The following SERAC1 variants were observed in gnomAD, a reference collection of about 807,000 sequenced individuals.
SERAC1 encodes serine active site containing 1.
Under a neutral mutation model 85.7 loss-of-function variants are expected in SERAC1, and 36 were observed. That is an observed-to-expected ratio of 0.42 (90% confidence interval 0.32 to 0.55). The LOEUF is 0.55. SERAC1 is among the 20% of genes least tolerant of loss of function. The probability of loss-of-function intolerance (pLI) is 0.11; values close to 1 mark genes in which losing one functional copy is unlikely to be tolerated. For missense variants in SERAC1, 629 were observed against 796.2 expected (o/e 0.79, Z 2.53); for synonymous variants, 242 against 265.3 (o/e 0.91, Z 0.85).
chr6:158,147,531 C>T (rs1785093781), intron 5 of SERAC1, among the ~76,000 whole-genome samples: 1 of 150,622 alleles, frequency 6.6e-6, no homozygotes, highest in African/African-American at 2.4e-5. Flanking sequence ...GAGGCCGAGG[C>T]AGGCGGATCA....
intron 4 of SERAC1, 118 bp from the exon 5 acceptor site, chr6:158,149,072 C>T (rs1350604762): frequency 1.5e-6 from 1 of 657,474 alleles, no homozygotes; most frequent in African/African-American, 1.9e-5. Context: ...TCACTGCAAG[C>T]TCTGCCTCCC....
Position 158,128,124 on chromosome 6 carries a change from A to G in SERAC1, c.999T>C (p.Ser333=), listed in dbSNP as rs746668292. 46 of 1,613,900 alleles carry G rather than the reference A, an allele frequency of 2.9e-5. No individual in the cohort carries two copies. Among genetic ancestry groups the G allele is most frequent in the Non-Finnish European group, 4.2e-6 (5 of 1,179,876 alleles). The change falls in exon 10 of 17, where the codon TCT becomes TCC. Residue 333 remains serine (S), a synonymous_variant. Coordinates refer to ENST00000647468, the MANE Select transcript of SERAC1 (RefSeq NM_032861.4). The stretch of plus-strand genomic sequence containing the variant: ...AGCTGTTACCTGAGCGAACTATAGA[A>G]GAATGAAGATGTTCATTCAAAGCCA... ...GNMALNEHLH[S]SIVRSGWVSI...
At chr6:158,156,868 A>G (rs544247208) in intron 2 of SERAC1, among the ~76,000 whole-genome samples, 3 of 93,116 alleles carry the variant, frequency 3.2e-5, no homozygotes, top group African/African-American at 1.1e-4. Flanking sequence ...AAATATTAAT[A>G]TATTTATATA....
At chr6:158,156,800 TG>T (rs1234159240) in intron 2 of SERAC1, among the ~76,000 whole-genome samples, 1 of 135,532 alleles carries the variant, frequency 7.4e-6, no homozygotes, top group Non-Finnish European at 1.5e-5. Context: ...TATGTTTAAA[TG>T]TATAATATAT....
At chr6:158,123,875 T>C (rs1177946226) in intron 10 of SERAC1, among the ~76,000 whole-genome samples, 4 of 152,130 alleles carry the variant, frequency 2.6e-5, no homozygotes, top group African/African-American at 9.7e-5. Flanking sequence ...AAGATTTCAA[T>C]AGAGAAGAAA....
In SERAC1 at chr6:158,146,930, A is replaced by T; in HGVS notation, c.356-17T>A. ...TAAAAGGATCTTTGCAAAAAGAAAA[A>T]GCCAAGACAATGTGAAAAGTTAAGA... is the stretch of plus-strand genomic sequence containing the variant. On this transcript the variant is annotated splice_polypyrimidine_tract_variant and intron_variant, in intron 5 of 16. Transcript: ENST00000647468. 3.1e-6 allele frequency: 5 copies of T among 1,610,448 alleles called. No homozygotes were observed. The highest frequency in any genetic ancestry group is 4.2e-6 in the Non-Finnish European group (5 of 1,178,158).
chr6:158,136,056 T>A (rs1374308295), intron 8 of SERAC1, among the ~76,000 whole-genome samples: 5 of 152,176 alleles, frequency 3.3e-5, no homozygotes, highest in African/African-American at 1.2e-4. Context: ...ATGATCCGCC[T>A]GCCTCGGTGT....
chr6:158,164,785 C>T (rs1035763274), intron 1 of SERAC1, among the ~76,000 whole-genome samples: 3 of 152,106 alleles, frequency 2.0e-5, no homozygotes, highest in Admixed American at 2.0e-4. Context: ...AAGACTACAT[C>T]ACCTTTCTTT....
intron 1 of SERAC1, among the ~76,000 whole-genome samples, chr6:158,162,370 A>G (rs1193410462): frequency 6.6e-6 from 1 of 152,188 alleles, no homozygotes; most frequent in Non-Finnish European, 1.5e-5. Flanking sequence ...TATCATTACT[A>G]TCAATATTAT....
chr6:158,111,788 C>T (rs1784149584), intron 16 of SERAC1: 3 of 216,010 alleles, frequency 1.4e-5, no homozygotes, highest in Non-Finnish European at 2.8e-5. Flanking sequence ...TGAGCACTAA[C>T]ATATTCAAAA....
At chr6:158,156,844 AT>A (rs1347254238) in intron 2 of SERAC1, among the ~76,000 whole-genome samples, 3 of 102,898 alleles carry the variant, frequency 2.9e-5, no homozygotes, top group Admixed American at 1.4e-4. Flanking sequence ...ATATAAATAT[AT>A]TTTATATATA....
intron 8 of SERAC1, 59 bp from the exon 9 acceptor site, chr6:158,130,545 C>T: frequency 9.8e-7 from 1 of 1,018,650 alleles, no homozygotes; most frequent in Non-Finnish European, 1.4e-6. Flanking sequence ...TTTTGTTTGA[C>T]AAAAAAAAAG....
At chr6:158,137,860 C>G (rs1357598448) in intron 8 of SERAC1, among the ~76,000 whole-genome samples, 2 of 151,956 alleles carry the variant, frequency 1.3e-5, no homozygotes, top group Non-Finnish European at 2.9e-5. Context: ...ACCTGGGTGA[C>G]AGAGTGAGAC....
intron 8 of SERAC1, among the ~76,000 whole-genome samples, chr6:158,135,383 T>G (rs1784767199): frequency 6.6e-6 from 1 of 151,818 alleles, no homozygotes; most frequent in African/African-American, 2.4e-5. Flanking sequence ...AATACAAAAT[T>G]AGTCAGGCAT....
intron 1 of SERAC1, among the ~76,000 whole-genome samples, chr6:158,165,390 C>T (rs1785575680): frequency 6.6e-6 from 1 of 152,068 alleles, no homozygotes; most frequent in Non-Finnish European, 1.5e-5. Flanking sequence ...CTCCTGACCT[C>T]GTGATCCACC....
intron 8 of SERAC1, among the ~76,000 whole-genome samples, chr6:158,142,423 A>G (rs1446611813): frequency 6.6e-6 from 1 of 150,844 alleles, no homozygotes; most frequent in Non-Finnish European, 1.5e-5. Context: ...CCTCAGCCTC[A>G]CAAAGCACTG....
At chr6:158,150,644 G>A (rs1203885899) in intron 3 of SERAC1, 55 bp from the exon 4 acceptor site, 7 of 1,258,476 alleles carry the variant, frequency 5.6e-6, no homozygotes, top group Non-Finnish European at 7.9e-6. Flanking sequence ...TGTAACACAA[G>A]AGCTACTCTT....
At position 158,119,195 on chromosome 6, in the gene SERAC1, A is replaced by G; in HGVS notation, c.1167-25T>C. ...ACTAATAGGGGAGAGAGTTTTAAAAAGAAGCAGAATAAATGCATTACTGCT... is the reference window on the plus strand; with the variant it reads ...ACTAATAGGGGAGAGAGTTTTAAAAGGAAGCAGAATAAATGCATTACTGCT... On this transcript the variant is annotated intron_variant, in intron 11 of 16. Transcript: ENST00000647468. The surrounding 1 kb of genome is among the most constrained non-coding windows in gnomAD (Gnocchi z 4.5). The G allele has an allele frequency of 3.1e-6, 5 of 1,591,214 alleles. No individual in the cohort carries two copies. Among genetic ancestry groups the G allele is most frequent in the Non-Finnish European group, 4.3e-6 (5 of 1,166,948 alleles).
intron 8 of SERAC1, 151 bp downstream of exon 8, chr6:158,142,905 C>T: frequency 1.6e-6 from 1 of 616,252 alleles, no homozygotes; most frequent in Non-Finnish European, 2.9e-6. Context: ...TTACCTGCCT[C>T]CCTGTCATCC....
Sources: allele counts gnomAD v4.1 joint callset (sites outside exome capture counted in the v4.1 genomes callset), GRCh38; gene constraint gnomAD v4.1.1; non-coding constraint Gnocchi (gnomAD v3.1); transcripts MANE v1.5; gene names NCBI Gene and HGNC (gene_info 2026-07-23, HGNC 2026-07-21).